FANCL: variants seen among roughly 807,000 people sequenced by gnomAD.
FANCL encodes the protein FA complementation group L, also known as E3 ubiquitin-protein ligase FANCL.
FANCL carries 69 observed loss-of-function variants against 59.4 expected under a neutral mutation model. The ratio of observed to expected loss-of-function variants is 1.16; its 90% confidence interval spans 0.96 to 1.42. The LOEUF is 1.42. Ranked by LOEUF, FANCL falls within the 40% of genes most tolerant of loss-of-function variation. The pLI is 0.00. For synonymous variants in FANCL, 180 were observed against 147.1 expected, an observed-to-expected ratio of 1.22 and a Z score of -1.62; for missense variants, 519 against 447.2, an observed-to-expected ratio of 1.16 and a Z score of -1.45.
chr2:58,166,443 T>C (rs148905152), intron 7 of FANCL, among the ~76,000 whole-genome samples: 1 of 152,222 alleles, frequency 6.6e-6, no homozygotes, highest in African/African-American at 2.4e-5. Context: ...CACATTTAAC[T>C]TTTAGCCAAT....
At chr2:58,230,168 G>C (rs189543073) in intron 2 of FANCL, among the ~76,000 whole-genome samples, 1 of 152,144 alleles carries the variant, frequency 6.6e-6, no homozygotes, top group Non-Finnish European at 1.5e-5. Context: ...TCTTTTCCAA[G>C]ATAGGTTAAA....
At chr2:58,165,684 A>AATCT (rs1685860465) in intron 8 of FANCL, 40 bp downstream of exon 8, 1 of 1,612,488 alleles carries the variant, frequency 6.2e-7, no homozygotes. Context: ...ATACAAAATA[A>AATCT]AACACCTAAA....
intron 1 of FANCL, among the ~76,000 whole-genome samples, chr2:58,240,148 C>G (rs1439400950): frequency 2.7e-5 from 4 of 147,724 alleles, no homozygotes; most frequent in African/African-American, 9.9e-5. Flanking sequence ...AATTTTTCAA[C>G]TTTTCTAAAT....
chr2:58,177,949 A>G (rs1478198837), intron 7 of FANCL, among the ~76,000 whole-genome samples: 1 of 152,112 alleles, frequency 6.6e-6, no homozygotes, highest in East Asian at 1.9e-4. Flanking sequence ...CTATCACAGA[A>G]TGCTATAAAC....
At chr2:58,236,069 A>G (rs1693994057) in intron 1 of FANCL, among the ~76,000 whole-genome samples, 2 of 151,762 alleles carry the variant, frequency 1.3e-5, no homozygotes, top group South Asian at 2.1e-4. Context: ...AAAAAGAAAG[A>G]AAGAAAAAAT....
chr2:58,198,559 A>T, intron 7 of FANCL, 35 bp downstream of exon 7: 1 of 1,583,208 alleles, frequency 6.3e-7, no homozygotes, highest in East Asian at 2.2e-5. Context: ...TAATTACTTA[A>T]AACAAATTTA....
chr2:58,178,340 C>T (rs938937449), intron 7 of FANCL, among the ~76,000 whole-genome samples: 3 of 152,112 alleles, frequency 2.0e-5, no homozygotes, highest in African/African-American at 7.2e-5. Context: ...CAACAAAATA[C>T]TGGCAAACCT....
chr2:58,165,282 G>C (rs963670537), intron 8 of FANCL, among the ~76,000 whole-genome samples: 1 of 152,098 alleles, frequency 6.6e-6, no homozygotes, highest in Non-Finnish European at 1.5e-5. Flanking sequence ...TTACTCTTCA[G>C]TGGCATGGTC....
At chr2:58,195,570 G>A (rs1689346656) in intron 7 of FANCL, among the ~76,000 whole-genome samples, 1 of 151,990 alleles carries the variant, frequency 6.6e-6, no homozygotes, top group East Asian at 1.9e-4. Context: ...AGAGAAGGAT[G>A]TGACCAGACT....
chr2:58,198,812 A>C, intron 6 of FANCL, 150 bp from the exon 7 acceptor site: 2 of 634,028 alleles, frequency 3.2e-6, no homozygotes, highest in South Asian at 1.7e-5. Flanking sequence ...GGCGGATCAC[A>C]AGGTCAGGAG....
chr2:58,211,599 A>C (rs1238311110), intron 5 of FANCL, among the ~76,000 whole-genome samples: 2 of 152,208 alleles, frequency 1.3e-5, no homozygotes, highest in East Asian at 3.8e-4. Flanking sequence ...GTCAGGCTGC[A>C]AATTTTTTGA....
rs756000370 is a variant in FANCL at position 58,204,173 on chromosome 2, G to C, written c.428C>G (p.Ala143Gly). The change falls in exon 6 of 14, where the codon GCT (alanine) becomes GGT (glycine). Residue 143 changes from alanine (A) to glycine (G), a missense_variant. By Grantham distance (60) the Ala-to-Gly change is moderately conservative. Transcript: ENST00000233741. ...FSTIKLKAED[A>G]SGREHLITLK... ...AGTGATTAAATGCTCTCTACCAGAAGCATCTTCTGCTTTTAACTTGATGGT... is the reference window on the plus strand; with the variant it reads ...AGTGATTAAATGCTCTCTACCAGAACCATCTTCTGCTTTTAACTTGATGGT... 4 of 1,613,254 alleles carry C rather than the reference G, an allele frequency of 2.5e-6. No individual in the cohort carries two copies. Among genetic ancestry groups the C allele is most frequent in the Non-Finnish European group, 2.5e-6 (3 of 1,179,364 alleles).
At chr2:58,170,703 A>C (rs554770259) in intron 7 of FANCL, among the ~76,000 whole-genome samples, 9 of 152,200 alleles carry the variant, frequency 5.9e-5, no homozygotes, top group African/African-American at 2.2e-4. Flanking sequence ...GCAAAAAAAA[A>C]AAAAAGCATG....
intron 1 of FANCL, among the ~76,000 whole-genome samples, chr2:58,235,755 C>T (rs975801073): frequency 6.6e-6 from 1 of 151,794 alleles, no homozygotes; most frequent in Non-Finnish European, 1.5e-5. Context: ...AAATTTCATA[C>T]GTTCAAGAAG....
chr2:58,162,868 A>C lies in FANCL; in HGVS notation c.901T>G (p.Ser301Ala), dbSNP rs1470245132. The change falls in exon 11 of 14, where the codon TCT (serine) becomes GCT (alanine). Residue 301 changes from serine to alanine, a missense_variant and splice_region_variant. Coordinates refer to ENST00000233741, the MANE Select transcript of FANCL (RefSeq NM_018062.4). ...DFPARAILEKSDFTMDCGICY... is the reference protein window; with the variant it reads ...DFPARAILEKADFTMDCGICY... The stretch of plus-strand genomic sequence containing the variant: ...ATCAAAACACTGATAAAACTTACAG[A>C]TTTTTCCAGGATAGCACGAGCTGGA... 5 of 1,610,942 alleles carry C rather than the reference A, an allele frequency of 3.1e-6. No individual in the cohort carries two copies. The South Asian group carries it at 5.5e-5, about 18-fold the overall frequency.
chr2:58,239,652 G>A (rs1174227325), intron 1 of FANCL, among the ~76,000 whole-genome samples: 1 of 152,064 alleles, frequency 6.6e-6, no homozygotes, highest in East Asian at 1.9e-4. Context: ...ACTGTACTGT[G>A]GTTATGTATG....
chr2:58,172,601 T>G (rs2104878857), intron 7 of FANCL, among the ~76,000 whole-genome samples: 1 of 151,666 alleles, frequency 6.6e-6, no homozygotes, highest in South Asian at 2.1e-4. Flanking sequence ...GTCTGTGTGT[T>G]AACAGAAAAG....
At chr2:58,213,406 TA>T (rs1008912347) in intron 5 of FANCL, 47 of 152,168 alleles carry the variant, frequency 3.1e-4, no homozygotes, top group Non-Finnish European at 8.8e-5. Context: ...GCCATAAAAA[TA>T]AAGTTGATAG....
At chr2:58,227,131 C>T (rs1693086602) in intron 3 of FANCL, among the ~76,000 whole-genome samples, 1 of 152,162 alleles carries the variant, frequency 6.6e-6, no homozygotes, top group African/African-American at 2.4e-5. Flanking sequence ...TTCAGTGCCC[C>T]GCTGCATAAA....
Sources: gnomAD v4.1 joint callset for allele counts (sites outside exome capture counted in the v4.1 genomes callset) on GRCh38, gnomAD v4.1.1 for gene constraint, MANE v1.5 for transcripts, NCBI Gene and HGNC (gene_info 2026-07-23, HGNC 2026-07-21) for gene names.